The following RPTOR variants were observed in gnomAD, a reference collection of about 807,000 sequenced individuals.
RPTOR encodes regulatory-associated protein of mTOR.
In RPTOR, 21 loss-of-function variants were observed where a neutral mutation model predicts 169.9. That is an observed-to-expected ratio of 0.12 (90% CI 0.09 to 0.18). RPTOR has a LOEUF of 0.18. Among genes scored for constraint, RPTOR ranks in the 10% least tolerant of loss-of-function variants. The probability of loss-of-function intolerance (pLI) is 1.00; values close to 1 mark genes in which losing one functional copy is unlikely to be tolerated. For missense variants in RPTOR, 1,133 were observed against 1,855.9 expected, an observed-to-expected ratio of 0.61 and a Z score of 7.16; for synonymous variants, 732 against 753.2, an observed-to-expected ratio of 0.97 and a Z score of 0.46.
At chr17:80,945,350 T>C (rs1333814321) in intron 25 of RPTOR, among the ~76,000 whole-genome samples, 1 of 150,444 alleles carries the variant, frequency 6.6e-6, no homozygotes, top group Non-Finnish European at 1.5e-5. Context: ...CCCAGCACTT[T>C]GGGAGGCCGA....
chr17:80,635,237 T>C (rs187453349), intron 2 of RPTOR, among the ~76,000 whole-genome samples: 21 of 152,250 alleles, frequency 1.4e-4, no homozygotes, highest in Admixed American at 1.2e-3. Flanking sequence ...ACCCATATGG[T>C]CACCTTTCTG....
chr17:80,554,429 C>T (rs546263029), intron 1 of RPTOR, among the ~76,000 whole-genome samples: 1 of 152,016 alleles, frequency 6.6e-6, no homozygotes, highest in African/African-American at 2.4e-5. Flanking sequence ...GTATTTCAAC[C>T]CATTGAATGT....
chr17:80,700,208 G>A (rs1264028076), intron 3 of RPTOR, among the ~76,000 whole-genome samples: 2 of 152,218 alleles, frequency 1.3e-5, no homozygotes, highest in Non-Finnish European at 2.9e-5. Flanking sequence ...TGGAGATCTT[G>A]CAGGGACTCG....
intron 3 of RPTOR, among the ~76,000 whole-genome samples, chr17:80,670,952 C>A (rs1041279895): frequency 2.0e-5 from 3 of 152,152 alleles, no homozygotes; most frequent in Admixed American, 2.0e-4. Context: ...GGGTTGCACA[C>A]TGGAACTTAT....
In RPTOR at chr17:80,562,637, A is replaced by G. The variant is rs181878185; in HGVS notation, c.162+16846A>G. Reference sequence around the variant, plus strand: ...CGTCTCTACTAAAAATACAGGAATTATCTGGGTGTGGTGACGCACACCTGT... The same window carrying G: ...CGTCTCTACTAAAAATACAGGAATTGTCTGGGTGTGGTGACGCACACCTGT... On this transcript the variant is annotated intron_variant, in intron 1 of 33. Transcript: ENST00000306801. The surrounding 1 kb of genome is among the most constrained non-coding windows in gnomAD (Gnocchi z 4.4). Among the ~76,000 whole-genome samples, 191 of 152,214 alleles carry G rather than the reference A, an allele frequency of 1.3e-3. 1 individual carries two copies. Among genetic ancestry groups the G allele is most frequent in the African/African-American group, 4.6e-3 (189 of 41,534 alleles).
rs1285911967 is a variant in RPTOR at position 80,581,587 on chromosome 17, C to T, written c.162+35796C>T. Among the ~76,000 whole-genome samples, 1,314 of 143,820 alleles carry T rather than the reference C, an allele frequency of 9.1e-3. 4 individuals are homozygous for T. Among genetic ancestry groups the T allele is most frequent in the African/African-American group, 0.035 (1,256 of 36,128 alleles). The allele number at this position is 143,820 out of a possible 152,430, so 94.4% of individuals were successfully genotyped here. ...ATTCTCTGCAGTGGAGACCGCACAT[C>T]GGGCCAGTGCATGCCTGCTATTCTC... On this transcript the variant is annotated intron_variant, in intron 1 of 33. Coordinates refer to ENST00000306801, the MANE Select transcript of RPTOR (RefSeq NM_020761.3).
chr17:80,547,245 G>T (rs1322755650), intron 1 of RPTOR, among the ~76,000 whole-genome samples: 1 of 152,072 alleles, frequency 6.6e-6, no homozygotes, highest in Non-Finnish European at 1.5e-5. Flanking sequence ...CTATCTTATG[G>T]ACATCTTTAG....
chr17:80,545,663 G>A lies in RPTOR; in HGVS notation c.34G>A (p.Gly12Ser), dbSNP rs1228533870. ...ESEMLQSPLL[G>S]LGEEDEADLT... ...CGAAATGCTGCAATCGCCTCTTCTG[G>A]GCCTGGGGGAGGAAGATGAGGCTGA... Residue 12 changes from glycine to serine, a missense_variant, in exon 1 of 34, where the codon GGC becomes AGC. Gly to Ser is a moderately conservative substitution (Grantham distance 56). Transcript: ENST00000306801. The A allele has an allele frequency of 6.2e-7, 1 of 1,613,294 alleles. No homozygotes were observed. The highest frequency in any genetic ancestry group is 1.7e-5 in the Admixed American group (1 of 59,960).
At chr17:80,655,249 C>A (rs1010709850) in intron 3 of RPTOR, among the ~76,000 whole-genome samples, 1 of 151,986 alleles carries the variant, frequency 6.6e-6, no homozygotes, top group African/African-American at 2.4e-5. Flanking sequence ...CCACACCTGG[C>A]TAATTTTTGT....
At chr17:80,834,397 C>T (rs572679594) in intron 9 of RPTOR, among the ~76,000 whole-genome samples, 1 of 152,216 alleles carries the variant, frequency 6.6e-6, no homozygotes, top group South Asian at 2.1e-4. Context: ...CGGCCCCGAG[C>T]AGCCTCCGTG....
rs375316755 is a variant in RPTOR, at chr17:80,658,420, C to T, written c.348+14610C>T. Among the ~76,000 whole-genome samples, 13 of 152,048 alleles carry T rather than the reference C, an allele frequency of 8.5e-5. No individual in the cohort carries two copies. In the East Asian group the frequency reaches 1.5e-3, roughly 18 times the overall value. On this transcript the variant is annotated intron_variant, in intron 3 of 33. Coordinates refer to ENST00000306801, the MANE Select transcript of RPTOR (RefSeq NM_020761.3). ...TTTTTAAGTTTAAAGGTGTTTTTCC[C>T]TTCATCTCCTTTCTGTTAAAACGTC...
At chr17:80,908,323 G>A (rs2068569907) in intron 20 of RPTOR, among the ~76,000 whole-genome samples, 1 of 152,170 alleles carries the variant, frequency 6.6e-6, no homozygotes, top group Admixed American at 6.5e-5. Flanking sequence ...CTCAGAGCAG[G>A]GCCAGTGCCT....
intron 1 of RPTOR, 110 bp downstream of exon 1, chr17:80,545,901 CGTT>C: frequency 3.3e-6 from 3 of 920,158 alleles, no homozygotes; most frequent in Non-Finnish European, 4.7e-6. Context: ...CCTAGCCACA[CGTT>C]GTAAGTCAAC....
intron 5 of RPTOR, among the ~76,000 whole-genome samples, chr17:80,740,482 C>A (rs1349939872): frequency 1.3e-5 from 2 of 152,110 alleles, no homozygotes; most frequent in Admixed American, 6.5e-5. Context: ...TAAAAAACAG[C>A]AAACCAATAT....
At chr17:80,628,804 G>A (rs145350418) in intron 2 of RPTOR, among the ~76,000 whole-genome samples, 13 of 152,286 alleles carry the variant, frequency 8.5e-5, no homozygotes, top group African/African-American at 3.1e-4. Flanking sequence ...TTGGGTTTCT[G>A]TGAGCTTCTT....
intron 6 of RPTOR, among the ~76,000 whole-genome samples, chr17:80,763,728 C>T (rs1266858800): frequency 1.3e-5 from 2 of 152,294 alleles, no homozygotes; most frequent in South Asian, 2.1e-4. Context: ...TTTACTAATC[C>T]GGAAGAATCA....
chr17:80,809,987 G>A (rs1246673075), intron 7 of RPTOR, among the ~76,000 whole-genome samples: 1 of 152,014 alleles, frequency 6.6e-6, no homozygotes, highest in Non-Finnish European at 1.5e-5. Flanking sequence ...AGTCCGTCCA[G>A]CAGTGAGCTG....
At chr17:80,547,546 A>G (rs2143194012) in intron 1 of RPTOR, among the ~76,000 whole-genome samples, 1 of 152,328 alleles carries the variant, frequency 6.6e-6, no homozygotes, top group Admixed American at 6.5e-5. Context: ...ATTGCTGCTT[A>G]GAAAGGAGCT....
At chr17:80,807,845 T>C (rs1473819440) in intron 7 of RPTOR, among the ~76,000 whole-genome samples, 1 of 152,180 alleles carries the variant, frequency 6.6e-6, no homozygotes, top group African/African-American at 2.4e-5. Flanking sequence ...CCATGTAAGG[T>C]CTCTGTCTCA....
Sources: gnomAD v4.1 joint callset for allele counts (sites outside exome capture counted in the v4.1 genomes callset) on GRCh38, gnomAD v4.1.1 for gene constraint, Gnocchi (gnomAD v3.1) non-coding constraint, MANE v1.5 for transcripts, NCBI Gene and HGNC (gene_info 2026-07-23, HGNC 2026-07-21) for gene names.